Variants in FREM3 observed in about 807,000 individuals in gnomAD.
FREM3 encodes the protein FRAS1 related extracellular matrix 3.
A neutral mutation model predicts 129.1 loss-of-function variants in FREM3; 105 were observed. That is an observed-to-expected ratio of 0.81 (90% CI 0.69 to 0.96). The LOEUF (loss-of-function observed/expected upper bound fraction) is 0.96. Ranked by LOEUF, FREM3 falls within the 40% of genes least tolerant of loss-of-function variation. The pLI is 0.00. For missense variants in FREM3, 2,593 were observed against 2,666.3 expected, an observed-to-expected ratio of 0.97 and a Z score of 0.61; for synonymous variants, 1,014 against 1,044.9, an observed-to-expected ratio of 0.97 and a Z score of 0.57.
intron 2 of FREM3, among the ~76,000 whole-genome samples, chr4:143,636,470 T>C (rs1327420320): frequency 6.6e-6 from 1 of 151,798 alleles, no homozygotes; most frequent in Non-Finnish European, 1.5e-5. Flanking sequence ...AATAGAAATC[T>C]GAGGAATAGG....
intron 2 of FREM3, among the ~76,000 whole-genome samples, chr4:143,678,194 G>A (rs1451080738): frequency 1.3e-5 from 2 of 152,178 alleles, no homozygotes; most frequent in South Asian, 2.1e-4. Context: ...TATACACCAT[G>A]GAATACTATG....
In FREM3 at chr4:143,700,451, A is replaced by G. The variant is rs1322678118; in HGVS notation, c.225T>C (p.Arg75=). Residue 75 remains arginine (R), a synonymous_variant, in exon 1 of 8, where the codon CGT becomes CGC. Coordinates refer to ENST00000329798, the MANE Select transcript of FREM3 (RefSeq NM_001168235.2). Reference sequence around the variant, plus strand: ...CCCGGAGCGGGTCGAGCCAAAGGGAACGACCCAGGGGCACCCGGAGTCCAG... The same window carrying G: ...CCCGGAGCGGGTCGAGCCAAAGGGAGCGACCCAGGGGCACCCGGAGTCCAG... ...ANPGLRVPLG[R]SLWLDPLRDL... 3.3e-6 allele frequency: 5 copies of G among 1,523,826 alleles called. No homozygotes were observed. In the South Asian group the frequency reaches 4.9e-5, roughly 15 times the overall value. The allele number at this position is 1,523,826 out of a possible 1,614,324, so 94.4% of individuals were successfully genotyped here.
intron 2 of FREM3, 66 bp downstream of exon 2, chr4:143,693,047 T>A (rs1740501092): frequency 1.3e-6 from 1 of 797,910 alleles, no homozygotes; most frequent in South Asian, 2.1e-5. Context: ...TGATTTAATT[T>A]TTTTTCCAAT....
intron 2 of FREM3, among the ~76,000 whole-genome samples, chr4:143,676,341 A>G (rs896012441): frequency 1.1e-4 from 16 of 151,376 alleles, no homozygotes; most frequent in Non-Finnish European, 1.3e-4. Flanking sequence ...AAATTCAACA[A>G]CCCTTCATGC....
chr4:143,694,837 T>C (rs1468876858), intron 1 of FREM3, among the ~76,000 whole-genome samples: 1 of 152,180 alleles, frequency 6.6e-6, no homozygotes, highest in African/African-American at 2.4e-5. Flanking sequence ...GTATCATGTG[T>C]GGGAAATTTC....
At chr4:143,584,868 C>T (rs1578820551) in intron 7 of FREM3, among the ~76,000 whole-genome samples, 1 of 152,190 alleles carries the variant, frequency 6.6e-6, no homozygotes, top group African/African-American at 2.4e-5. Flanking sequence ...AAATCGACTA[C>T]ACCGTTGGCC....
chr4:143,683,796 G>A (rs1179833500), intron 2 of FREM3, among the ~76,000 whole-genome samples: 1 of 152,190 alleles, frequency 6.6e-6, no homozygotes, highest in African/African-American at 2.4e-5. Flanking sequence ...TCTCCACCTG[G>A]AAATGGTCTG....
intron 6 of FREM3, among the ~76,000 whole-genome samples, chr4:143,609,292 A>T (rs940905939): frequency 2.0e-5 from 3 of 152,314 alleles, no homozygotes; most frequent in Admixed American, 2.0e-4. Context: ...AGTAGAGAAG[A>T]ATAACGAAGA....
chr4:143,631,006 A>C (rs1739128436), intron 2 of FREM3, among the ~76,000 whole-genome samples: 1 of 152,166 alleles, frequency 6.6e-6, no homozygotes, highest in African/African-American at 2.4e-5. Flanking sequence ...ATCAGAAGTC[A>C]AAATAATGGT....
intron 6 of FREM3, among the ~76,000 whole-genome samples, chr4:143,593,707 G>T (rs892016389): frequency 6.6e-6 from 1 of 152,204 alleles, no homozygotes; most frequent in Non-Finnish European, 1.5e-5. Context: ...GAGGCAGTCT[G>T]CCCGTTCTCA....
chr4:143,613,259 A>T (rs1216635631), intron 5 of FREM3, among the ~76,000 whole-genome samples: 4 of 152,254 alleles, frequency 2.6e-5, no homozygotes, highest in African/African-American at 9.6e-5. Flanking sequence ...TTGCTAGGGC[A>T]GAGGGCAGAA....
At chr4:143,655,359 C>T (rs6811065) in intron 2 of FREM3, among the ~76,000 whole-genome samples, 152,319 of 152,330 alleles carry the variant, frequency 1, 76,154 homozygotes, top group Non-Finnish European at 1. Context: ...GTAGCCCAGG[C>T]GAAACAGGGA....
At chr4:143,612,790 A>G (rs1449050588) in intron 5 of FREM3, among the ~76,000 whole-genome samples, 1 of 152,252 alleles carries the variant, frequency 6.6e-6, no homozygotes, top group Non-Finnish European at 1.5e-5. Flanking sequence ...TAGGCAGAAC[A>G]AAGACTATGA....
intron 2 of FREM3, among the ~76,000 whole-genome samples, chr4:143,634,691 A>G (rs1739204322): frequency 6.7e-6 from 1 of 149,758 alleles, no homozygotes; most frequent in African/African-American, 2.5e-5. Flanking sequence ...GGGGAAGGAA[A>G]TGAAATATTA....
At chr4:143,628,217 A>G (rs1245806466) in intron 2 of FREM3, among the ~76,000 whole-genome samples, 2 of 152,168 alleles carry the variant, frequency 1.3e-5, no homozygotes, top group African/African-American at 4.8e-5. Context: ...CAATACCAAC[A>G]TTATATTTAC....
chr4:143,699,374 C>G lies in FREM3; in HGVS notation c.1302G>C (p.Val434=). Residue 434 remains valine, a synonymous_variant, in exon 1 of 8, where the codon GTG becomes GTC. Transcript: ENST00000329798. The surrounding 1 kb of genome is among the most constrained non-coding windows in gnomAD (Gnocchi z 4.2). ...TVKSMNTLVP[V]ASHNRGLVLF... ...GCACAAGTCCCCTGTTATGGCTAGC[C>G]ACTGGGACCAGAGTATTCATGGATT... 1 of 1,537,290 alleles carries G rather than the reference C, an allele frequency of 6.5e-7. No homozygotes were observed.
chr4:143,635,384 T>A (rs1739216273), intron 2 of FREM3, among the ~76,000 whole-genome samples: 1 of 152,206 alleles, frequency 6.6e-6, no homozygotes, highest in African/African-American at 2.4e-5. Flanking sequence ...TATGTAGTTA[T>A]ACTCTAGTGC....
intron 2 of FREM3, among the ~76,000 whole-genome samples, chr4:143,640,898 CT>C (rs750686401): frequency 1.3e-5 from 2 of 152,154 alleles, no homozygotes; most frequent in Non-Finnish European, 2.9e-5. Context: ...TATTATTTAA[CT>C]TTTTATTCAA....
chr4:143,597,686 A>G (rs1319090607), intron 6 of FREM3, among the ~76,000 whole-genome samples: 1 of 152,238 alleles, frequency 6.6e-6, no homozygotes, highest in Non-Finnish European at 1.5e-5. Flanking sequence ...CTATCAGAAT[A>G]AAACACTTAG....
Sources: allele counts gnomAD v4.1 joint callset (sites outside exome capture counted in the v4.1 genomes callset), GRCh38; gene constraint gnomAD v4.1.1; non-coding constraint Gnocchi (gnomAD v3.1); transcripts MANE v1.5; gene names NCBI Gene and HGNC (gene_info 2026-07-23, HGNC 2026-07-21).